Variants in ATE1 observed in about 807,000 individuals in gnomAD.
ATE1 encodes the protein arginyl-tRNA--protein transferase 1.
Under a neutral mutation model 70.5 loss-of-function variants are expected in ATE1, and 36 were observed. That is an observed-to-expected ratio of 0.51 (90% confidence interval 0.39 to 0.67). ATE1 has a LOEUF of 0.67. Among genes scored for constraint, ATE1 ranks in the 30% least tolerant of loss-of-function variants. The pLI, the probability that ATE1 is intolerant of heterozygous loss-of-function variation, is 0.00. For synonymous variants in ATE1, 232 were observed against 219.3 expected (o/e 1.06, Z -0.51); for missense variants, 593 against 629.5 (o/e 0.94, Z 0.62).
chr10:121,893,841 A>G (rs1950666922), intron 7 of ATE1, among the ~76,000 whole-genome samples: 1 of 152,216 alleles, frequency 6.6e-6, no homozygotes, highest in Non-Finnish European at 1.5e-5. Context: ...AAGCAGTAAA[A>G]GAGGAACAGA....
At chr10:121,861,792 T>TC (rs1949483769) in intron 8 of ATE1, among the ~76,000 whole-genome samples, 1 of 150,914 alleles carries the variant, frequency 6.6e-6, no homozygotes, top group Middle Eastern at 3.2e-3. Flanking sequence ...TTACACTGAC[T>TC]CAATTATCAG....
At chr10:121,846,987 G>A (rs6585765) in intron 8 of ATE1, among the ~76,000 whole-genome samples, 133,709 of 152,204 alleles carry the variant, frequency 0.88, 59,050 homozygotes, top group Middle Eastern at 0.95. Context: ...CCAATATTCT[G>A]TCTAACATGC....
intron 10 of ATE1, among the ~76,000 whole-genome samples, chr10:121,805,149 C>T (rs1438403219): frequency 6.6e-6 from 1 of 152,070 alleles, no homozygotes; most frequent in African/African-American, 2.4e-5. Flanking sequence ...TTAAAAGTAA[C>T]CCTTCCAAAG....
At position 121,818,384 on chromosome 10, in the gene ATE1, C is replaced by G. The variant is rs151053949; in HGVS notation, c.1257+18334G>C. Among the ~76,000 whole-genome samples, 1,035 of 147,622 alleles carry G rather than the reference C, an allele frequency of 7.0e-3. 9 individuals carry two copies. The highest frequency in any genetic ancestry group is 0.024 in the African/African-American group (971 of 40,216). Reference sequence around the variant, plus strand: ...CAAAGATGTAAAGTTCTGGCAAAAACATCAGCACGTGAACATAAAAGCTAT... The same window carrying G: ...CAAAGATGTAAAGTTCTGGCAAAAAGATCAGCACGTGAACATAAAAGCTAT... On this transcript the variant is annotated intron_variant, in intron 10 of 11. Transcript: ENST00000224652.
intron 7 of ATE1, among the ~76,000 whole-genome samples, chr10:121,895,857 G>A (rs1279206965): frequency 1.3e-5 from 2 of 151,668 alleles, no homozygotes; most frequent in Non-Finnish European, 2.9e-5. Context: ...AGGCAAAGCT[G>A]CAGTAAGCCA....
chr10:121,833,684 G>A (rs1948333973), intron 10 of ATE1, among the ~76,000 whole-genome samples: 1 of 152,070 alleles, frequency 6.6e-6, no homozygotes, highest in Non-Finnish European at 1.5e-5. Flanking sequence ...GTCTCAAGTG[G>A]GGGTAAAAAT....
At position 121,911,053 on chromosome 10, in the gene ATE1, C is replaced by T. The variant is rs144032291; in HGVS notation, c.436G>A (p.Asp146Asn). 6.2e-7 allele frequency: 1 copy of T among 1,613,434 alleles called. No individual in the cohort carries two copies. Among genetic ancestry groups the T allele is most frequent in the Non-Finnish European group, 8.5e-7 (1 of 1,179,912 alleles). ...TCACTCTCTAAACTCTCTTTGATGT[C>T]ATCACTGAGTGTTTTAAGATCACAC... is the stretch of plus-strand genomic sequence containing the variant. ...IQCDLKTLSD[D>N]IKESLESEGK... Residue 146 changes from aspartate to asparagine, a missense_variant, in exon 5 of 12, where the codon GAC becomes AAC. Coordinates refer to ENST00000224652, the MANE Select transcript of ATE1 (RefSeq NM_001001976.3).
Position 121,757,661 on chromosome 10 carries a change from C to A in ATE1, c.1379-13803G>T, listed in dbSNP as rs191610376. Reference sequence around the variant, plus strand: ...GCAGGGCAACTCCCATTTTTAAAACCATCAGATTTTGTGAGACCCATTCAC... The same window carrying A: ...GCAGGGCAACTCCCATTTTTAAAACAATCAGATTTTGTGAGACCCATTCAC... On this transcript the variant is annotated intron_variant, in intron 11 of 11. Coordinates refer to ENST00000224652, the MANE Select transcript of ATE1 (RefSeq NM_001001976.3). Among the ~76,000 whole-genome samples the A allele has an allele frequency of 5.3e-5, 8 of 152,298 alleles. No individual in the cohort carries two copies. The East Asian group carries it at 1.2e-3, about 22-fold the overall frequency.
At chr10:121,770,243 CA>C (rs1387078265) in intron 11 of ATE1, among the ~76,000 whole-genome samples, 5 of 140,838 alleles carry the variant, frequency 3.6e-5, no homozygotes, top group African/African-American at 1.4e-4. Context: ...AACACACACA[CA>C]CACACACACA....
At chr10:121,901,917 A>G (rs556701674) in intron 6 of ATE1, among the ~76,000 whole-genome samples, 1 of 152,192 alleles carries the variant, frequency 6.6e-6, no homozygotes, top group Non-Finnish European at 1.5e-5. Context: ...CAGCAGTACA[A>G]TTTAGCCCTA....
At chr10:121,910,625 T>A (rs1222698227) in intron 5 of ATE1, among the ~76,000 whole-genome samples, 3 of 151,636 alleles carry the variant, frequency 2.0e-5, no homozygotes, top group African/African-American at 4.8e-5. Context: ...AAAATTTGAT[T>A]CTCAACCCTG....
intron 11 of ATE1, among the ~76,000 whole-genome samples, chr10:121,770,715 TATAAG>T (rs1185567328): frequency 7.0e-6 from 1 of 142,310 alleles, no homozygotes; most frequent in African/African-American, 2.6e-5. Flanking sequence ...GTGGGGGATT[TATAAG>T]ATATTTCCTT....
At chr10:121,901,661 G>A (rs1041828631) in intron 6 of ATE1, among the ~76,000 whole-genome samples, 2 of 152,010 alleles carry the variant, frequency 1.3e-5, no homozygotes, top group African/African-American at 4.8e-5. Flanking sequence ...TCACTGTGTT[G>A]GCCAAGCTGA....
In ATE1 at chr10:121,745,515, C is replaced by G. The variant is rs185729099; in HGVS notation, c.1379-1657G>C. Among the ~76,000 whole-genome samples the G allele has an allele frequency of 2.5e-3, 386 of 152,168 alleles. 1 individual carries two copies. The highest frequency in any genetic ancestry group is 3.9e-3 in the Non-Finnish European group (267 of 67,994). On this transcript the variant is annotated intron_variant, in intron 11 of 11. Coordinates refer to ENST00000224652, the MANE Select transcript of ATE1 (RefSeq NM_001001976.3). ...GCAAATCACGAGGTCAGGAGATCGACACCATTCTGGCTAACACGGTGAAAC... is the reference window on the plus strand; with the variant it reads ...GCAAATCACGAGGTCAGGAGATCGAGACCATTCTGGCTAACACGGTGAAAC...
chr10:121,783,715 A>C (rs779334563), intron 11 of ATE1, among the ~76,000 whole-genome samples: 2 of 152,190 alleles, frequency 1.3e-5, no homozygotes, highest in Non-Finnish European at 2.9e-5. Context: ...CCATACAAAC[A>C]AATGAAGCAG....
intron 11 of ATE1, among the ~76,000 whole-genome samples, chr10:121,757,773 T>C (rs1316789587): frequency 6.6e-6 from 1 of 152,244 alleles, no homozygotes; most frequent in Non-Finnish European, 1.5e-5. Flanking sequence ...GTGAGAATTA[T>C]GGGAGCTACA....
chr10:121,780,943 C>T (rs568310065), intron 11 of ATE1, among the ~76,000 whole-genome samples: 2 of 152,298 alleles, frequency 1.3e-5, no homozygotes, highest in South Asian at 2.1e-4. Context: ...ACTGGCACCT[C>T]CCATTAGCAT....
At chr10:121,769,537 T>A (rs566766647) in intron 11 of ATE1, among the ~76,000 whole-genome samples, 18 of 152,266 alleles carry the variant, frequency 1.2e-4, no homozygotes, top group African/African-American at 4.1e-4. Flanking sequence ...CATAAAAAAA[T>A]TTTTAAATTG....
intron 7 of ATE1, among the ~76,000 whole-genome samples, chr10:121,894,465 T>C (rs1207278211): frequency 1.3e-5 from 2 of 152,044 alleles, no homozygotes; most frequent in Admixed American, 6.6e-5. Context: ...GCAGACAAAA[T>C]AGATTTGCAC....
Sources: allele counts gnomAD v4.1 joint callset (sites outside exome capture counted in the v4.1 genomes callset), GRCh38; gene constraint gnomAD v4.1.1; transcripts MANE v1.5; gene names NCBI Gene and HGNC (gene_info 2026-07-23, HGNC 2026-07-21).